SHARPIN: variants seen among roughly 807,000 people sequenced by gnomAD.
SHARPIN encodes the protein SHANK associated RH domain interactor.
Under a neutral mutation model 40.3 loss-of-function variants are expected in SHARPIN, and 25 were observed. The ratio of observed to expected loss-of-function variants is 0.62; its 90% CI spans 0.45 to 0.87. The LOEUF (loss-of-function observed/expected upper bound fraction) is 0.87. SHARPIN is among the 40% of genes least tolerant of loss of function. The pLI, the probability that SHARPIN is intolerant of heterozygous loss-of-function variation, is 0.00. For missense variants in SHARPIN, 551 were observed against 516.1 expected (o/e 1.07, Z -0.66); for synonymous variants, 274 against 221.8 (o/e 1.24, Z -2.09).
chr8:144,101,734 A>T (rs1836291998), intron 2 of SHARPIN, among the ~76,000 whole-genome samples: 1 of 151,678 alleles, frequency 6.6e-6, no homozygotes, highest in Non-Finnish European at 1.5e-5. Context: ...TAATTTTTAA[A>T]TTTTTTGTAT....
At chr8:144,103,261 C>T in intron 1 of SHARPIN, 36 bp from the exon 2 acceptor site, 1 of 1,565,990 alleles carries the variant, frequency 6.4e-7, no homozygotes, top group Non-Finnish European at 8.6e-7. Context: ...AGGGCGTCCC[C>T]CCGCCCTACA....
chr8:144,103,108 G>A lies in SHARPIN; in HGVS notation c.319C>T (p.Gln107Ter), dbSNP rs1248955171. 1 of 1,613,430 alleles carries A rather than the reference G, an allele frequency of 6.2e-7. No individual in the cohort carries two copies. The highest frequency in any genetic ancestry group is 1.3e-5 in the African/African-American group (1 of 74,784). The change falls in exon 2 of 9, where the codon CAG (glutamine) becomes TAG (stop). Residue 107 changes from glutamine to a stop codon, truncating the protein, a stop_gained. Coordinates refer to ENST00000398712, the MANE Select transcript of SHARPIN (RefSeq NM_030974.4). LOFTEE classifies it high-confidence loss of function. Reference protein sequence around the residue: ...GTLSLHFLNPQEAQRWAVLVR... With the variant: ...GTLSLHFLNP ...AGGACTGCCCACCGCTGAGCTTCCT[G>A]AGGGTTGAGGAAGTGCAGGCTGAGG...
Position 144,098,777 on chromosome 8 carries a change from T to C in SHARPIN, c.*24A>G, listed in dbSNP as rs746973574. On this transcript the variant is annotated 3_prime_UTR_variant, in exon 9 of 9. Coordinates refer to ENST00000398712, the MANE Select transcript of SHARPIN (RefSeq NM_030974.4). ...CGGACTTGTGAGGGAAGGGCCACTC[T>C]CCCCTTGTAACCTGTGGGGGAGGAG... 2.0e-4 allele frequency: 180 copies of C among 901,580 alleles called. 1 individual carries two copies. The highest frequency in any genetic ancestry group is 2.8e-4 in the Non-Finnish European group (170 of 602,316). 55.8% of individuals were successfully genotyped at this position (901,580 alleles called of 1,614,324 possible). A position where few individuals can be genotyped will look rare whatever the true frequency, so the allele number is the denominator to read the frequency against.
Position 144,103,545 on chromosome 8 carries a change from C to T in SHARPIN, c.201+8G>A, listed in dbSNP as rs771912667. On this transcript the variant is annotated splice_region_variant and intron_variant, in intron 1 of 8. Transcript: ENST00000398712. ...AGGACTGACCGCGCGCCCTCCGCCCCCACTCACCGCCCCAGGTCCCGCGCC... is the reference window on the plus strand; with the variant it reads ...AGGACTGACCGCGCGCCCTCCGCCCTCACTCACCGCCCCAGGTCCCGCGCC... 1.5e-5 allele frequency: 23 copies of T among 1,531,756 alleles called. No homozygotes were observed. The South Asian group carries it at 2.5e-4, about 17-fold the overall frequency. The allele number at this position is 1,531,756 out of a possible 1,614,324, so 94.9% of individuals were successfully genotyped here.
At position 144,099,908 on chromosome 8, in the gene SHARPIN, AC is replaced by A. The variant is rs769935596; in HGVS notation, c.517+20del. 1.0e-5 allele frequency: 10 copies of A among 1,001,328 alleles called. No individual in the cohort carries two copies. The East Asian group carries it at 1.8e-4, about 18-fold the overall frequency. 62.0% of individuals were successfully genotyped at this position (1,001,328 alleles called of 1,614,324 possible). A position where few individuals can be genotyped will look rare whatever the true frequency, so the allele number is the denominator to read the frequency against. ...CTATCTGCTATCCCCGAACCCCCCA[AC>A]CCCCTCCCCCCACCTGTACCTCTCT... On this transcript the variant is annotated intron_variant, in intron 3 of 8. Coordinates refer to ENST00000398712, the MANE Select transcript of SHARPIN (RefSeq NM_030974.4).
At chr8:144,103,352 T>G in intron 1 of SHARPIN, 127 bp from the exon 2 acceptor site, 1 of 1,173,058 alleles carries the variant, frequency 8.5e-7, no homozygotes, top group South Asian at 1.5e-5. Context: ...TATCATCAAA[T>G]CCTCACAATA....
rs189634832 is a variant in SHARPIN at position 144,099,464 on chromosome 8, C to T, written c.769-34G>A. On this transcript the variant is annotated intron_variant, in intron 5 of 8. Transcript: ENST00000398712. ...AGAGCATCAGGGCAGGTGATGTCAC[C>T]TAGGCTCCTCTGCCCCTGGCAGGGC... The T allele has an allele frequency of 1.7e-5, 28 of 1,608,430 alleles. No individual in the cohort carries two copies. The African/African-American group carries it at 3.6e-4, about 21-fold the overall frequency.
chr8:144,099,120 G>C lies in SHARPIN; in HGVS notation c.1008C>G (p.Gly336=). Residue 336 remains glycine, a synonymous_variant, in exon 7 of 9, where the codon GGC becomes GGG. Coordinates refer to ENST00000398712, the MANE Select transcript of SHARPIN (RefSeq NM_030974.4). ...LFPPSLGLPP[G]PQPAASSLPS... is the part of the protein sequence containing the mutation. ...GCAGGCTGGAGGCAGCTGGCTGGGG[G>C]CCTGGGGGTAGCCCCAATGATGGGG... 7 of 1,587,748 alleles carry C rather than the reference G, an allele frequency of 4.4e-6. No individual in the cohort carries two copies. The highest frequency in any genetic ancestry group is 6.0e-6 in the Non-Finnish European group (7 of 1,167,660).
In SHARPIN at chr8:144,099,842, C is replaced by T; in HGVS notation, c.520G>A (p.Glu174Lys). The change falls in exon 4 of 9, where the codon GAG becomes AAG. Residue 174 changes from glutamate to lysine, a missense_variant and splice_region_variant. By Grantham distance (56) the Glu-to-Lys change is moderately conservative. Coordinates refer to ENST00000398712, the MANE Select transcript of SHARPIN (RefSeq NM_030974.4). ...RSPGNLTERE[E>K]LAGSLARAIA... ...GCCCGGGCCAGGCTCCCTGCCAGCT[C>T]TTCTGCAGGGTAAGGAAAGGACAGC... is the stretch of plus-strand genomic sequence containing the variant. The T allele has an allele frequency of 1.2e-6, 2 of 1,612,456 alleles. No homozygotes were observed. Among genetic ancestry groups the T allele is most frequent in the Non-Finnish European group, 1.7e-6 (2 of 1,179,954 alleles).
In SHARPIN at chr8:144,100,606, C is replaced by T. The variant is rs1414235345; in HGVS notation, c.377-537G>A. 2.0e-5 allele frequency: 3 copies of T among 153,632 alleles called. 1 individual carries two copies. The highest frequency in any genetic ancestry group is 4.4e-5 in the Non-Finnish European group (3 of 68,790). The allele number at this position is 153,632 out of a possible 1,614,324, so 9.5% of individuals were successfully genotyped here. A position where few individuals can be genotyped will look rare whatever the true frequency, so the allele number is the denominator to read the frequency against. The stretch of plus-strand genomic sequence containing the variant: ...TCCCCATCCAGTGCTGACACAGCTC[C>T]CGTGGTCTCAGGCCCACTATATTCT... On this transcript the variant is annotated intron_variant, in intron 2 of 8. Transcript: ENST00000398712.
rs780070016 is a variant in SHARPIN, at chr8:144,098,726, G to A, written c.*75C>T. 2.1e-5 allele frequency: 12 copies of A among 578,482 alleles called. No homozygotes were observed. The highest frequency in any genetic ancestry group is 7.1e-5 in the South Asian group (3 of 42,464). 35.8% of individuals were successfully genotyped at this position (578,482 alleles called of 1,614,324 possible). ...CAGCAAGCAGTCAGTAGAGGTCCCCGGAGTTCAGTGGGGGCCTGGAGATGT... is the reference window on the plus strand; with the variant it reads ...CAGCAAGCAGTCAGTAGAGGTCCCCAGAGTTCAGTGGGGGCCTGGAGATGT... On this transcript the variant is annotated 3_prime_UTR_variant, in exon 9 of 9. Coordinates refer to ENST00000398712, the MANE Select transcript of SHARPIN (RefSeq NM_030974.4).
At chr8:144,102,697 T>C (rs898356950) in intron 2 of SHARPIN, 1 of 393,574 alleles carries the variant, frequency 2.5e-6, no homozygotes, top group Non-Finnish European at 4.7e-6. Flanking sequence ...CTCCCACTCC[T>C]GTCACTCTCC....
At chr8:144,101,252 T>C (rs2129990775) in intron 2 of SHARPIN, among the ~76,000 whole-genome samples, 1 of 152,042 alleles carries the variant, frequency 6.6e-6, no homozygotes, top group South Asian at 2.1e-4. Flanking sequence ...GTTTTTTTTT[T>C]TGGAGACAGG....
chr8:144,103,248 C>A, intron 1 of SHARPIN, 23 bp from the exon 2 acceptor site: 1 of 1,577,278 alleles, frequency 6.3e-7, no homozygotes, highest in Non-Finnish European at 8.6e-7. Context: ...AGAGTCCAGG[C>A]TCAGGGCGTC....
chr8:144,103,650 G>C lies in SHARPIN; in HGVS notation c.104C>G (p.Pro35Arg). ...CCTCCGCAGCTGTGCCTCGGCGTCT[G>C]GCCCGGCGCCCAGCGGCCTCACCGC... is the stretch of plus-strand genomic sequence containing the variant. ...HAAVRPLGAG[P>R]DAEAQLRRLQ... Residue 35 changes from proline to arginine, a missense_variant, in exon 1 of 9, where the codon CCA (proline) becomes CGA (arginine). Physicochemically the swap from Pro to Arg is moderately radical, Grantham distance 103. Coordinates refer to ENST00000398712, the MANE Select transcript of SHARPIN (RefSeq NM_030974.4). 6.6e-7 allele frequency: 1 copy of C among 1,523,582 alleles called. No individual in the cohort carries two copies. The highest frequency in any genetic ancestry group is 8.8e-7 in the Non-Finnish European group (1 of 1,142,288). 94.4% of individuals were successfully genotyped at this position (1,523,582 alleles called of 1,614,324 possible).
intron 8 of SHARPIN, 32 bp downstream of exon 8, chr8:144,098,834 C>G: frequency 6.8e-7 from 1 of 1,467,916 alleles, no homozygotes; most frequent in Non-Finnish European, 9.2e-7. Context: ...TGCCCTGCCC[C>G]CCACCTCCCC....
intron 7 of SHARPIN, 22 bp downstream of exon 7, chr8:144,099,058 TC>T (rs1426907342): frequency 6.3e-7 from 1 of 1,575,448 alleles, no homozygotes. Flanking sequence ...GTCCTGGCCC[TC>T]CCTGCCCAGT....
chr8:144,101,301 A>G (rs538845524), intron 2 of SHARPIN, among the ~76,000 whole-genome samples: 1 of 151,326 alleles, frequency 6.6e-6, no homozygotes, highest in Admixed American at 6.6e-5. Context: ...CAGTGGCACG[A>G]TCACAGCTCA....
rs199932176 is a variant in SHARPIN at position 144,099,920 on chromosome 8, C to T, written c.517+9G>A. 39 of 1,610,028 alleles carry T rather than the reference C, an allele frequency of 2.4e-5. No homozygotes were observed. Among genetic ancestry groups the T allele is most frequent in the Non-Finnish European group, 2.2e-5 (26 of 1,178,482 alleles). On this transcript the variant is annotated intron_variant, in intron 3 of 8. Transcript: ENST00000398712. The stretch of plus-strand genomic sequence containing the variant: ...CCCGAACCCCCCAACCCCCTCCCCC[C>T]ACCTGTACCTCTCTCCGTCAAGTTT...
Sources: gnomAD v4.1 joint callset for allele counts (sites outside exome capture counted in the v4.1 genomes callset) on GRCh38, gnomAD v4.1.1 for gene constraint, MANE v1.5 for transcripts, NCBI Gene and HGNC (gene_info 2026-07-23, HGNC 2026-07-21) for gene names.